INPP4B: variants seen among roughly 807,000 people sequenced by gnomAD.
INPP4B encodes the protein inositol polyphosphate-4-phosphatase type II B, also known as inositol polyphosphate 4-phosphatase type II.
In INPP4B, 55 loss-of-function variants were observed where a neutral mutation model predicts 122.5. That is an observed-to-expected ratio of 0.45 (90% CI 0.36 to 0.56). The LOEUF is 0.56. Ranked by LOEUF, INPP4B falls within the 20% of genes least tolerant of loss-of-function variation. The probability of loss-of-function intolerance (pLI) is 0.00; values close to 1 mark genes in which losing one functional copy is unlikely to be tolerated. For missense variants in INPP4B, 1,000 were observed against 1,097.7 expected (o/e 0.91, Z 1.26); for synonymous variants, 403 against 388.7 (o/e 1.04, Z -0.43).
chr4:142,479,676 GA>G (rs1312996709), intron 2 of INPP4B, among the ~76,000 whole-genome samples: 1 of 152,124 alleles, frequency 6.6e-6, no homozygotes, highest in East Asian at 1.9e-4. Flanking sequence ...GAACGGAGCT[GA>G]AAGTCATAAT....
intron 1 of INPP4B, among the ~76,000 whole-genome samples, chr4:142,799,306 A>T (rs968516149): frequency 6.6e-6 from 1 of 151,864 alleles, no homozygotes; most frequent in African/African-American, 2.4e-5. Context: ...GCATTTTTCA[A>T]CAATTTTAAA....
chr4:142,215,892 CAAAAA>C (rs200657873), intron 12 of INPP4B, among the ~76,000 whole-genome samples: 26 of 54,552 alleles, frequency 4.8e-4, no homozygotes, highest in East Asian at 9.7e-4. Flanking sequence ...GACTCTGTCT[CAAAAA>C]AAAAAAAAAA....
chr4:142,724,394 A>G (rs1379522723), intron 2 of INPP4B, among the ~76,000 whole-genome samples: 1 of 152,050 alleles, frequency 6.6e-6, no homozygotes, highest in Admixed American at 6.6e-5. Flanking sequence ...CTCATTCAGG[A>G]TATTTCTCTT....
intron 1 of INPP4B, among the ~76,000 whole-genome samples, chr4:142,816,218 A>C (rs1275342693): frequency 1.3e-5 from 2 of 152,108 alleles, no homozygotes; most frequent in Non-Finnish European, 2.9e-5. Context: ...TCTATTCTTC[A>C]TTTTTAGGGT....
chr4:142,414,504 G>A (rs1805278348), intron 5 of INPP4B, among the ~76,000 whole-genome samples: 1 of 152,090 alleles, frequency 6.6e-6, no homozygotes, highest in Non-Finnish European at 1.5e-5. Context: ...GAAAAATGAA[G>A]ATACCAGCTG....
chr4:142,525,682 C>A (rs1185222214), intron 2 of INPP4B, among the ~76,000 whole-genome samples: 3 of 119,996 alleles, frequency 2.5e-5, no homozygotes, highest in African/African-American at 6.1e-5. Flanking sequence ...AACTGGCTAG[C>A]CATATGTAGA....
Position 142,237,866 on chromosome 4 carries a change from G to A in INPP4B, c.834C>T (p.Cys278=), listed in dbSNP as rs2149970132. The A allele has an allele frequency of 4.5e-6, 7 of 1,545,550 alleles. No individual in the cohort carries two copies. Among genetic ancestry groups the A allele is most frequent in the South Asian group, 1.2e-5 (1 of 82,718 alleles). The change falls in exon 12 of 26, where the codon TGC becomes TGT. Residue 278 remains cysteine, a splice_region_variant and synonymous_variant. Transcript: ENST00000262992. ...AGAAAATAGTTATTTTCTCTTACCT[G>A]CACAAATCTTCTTTAATGTGAAGGG... ...LISLHIKEDL[C]RNQEIKELGE... is the part of the protein sequence containing the mutation.
chr4:142,107,224 T>C (rs569976843), intron 23 of INPP4B, among the ~76,000 whole-genome samples: 189 of 152,224 alleles, frequency 1.2e-3, no homozygotes, highest in Non-Finnish European at 6.2e-4. Flanking sequence ...ATTCATTAGG[T>C]TATGAAGACA....
At chr4:142,248,947 A>G (rs56392311) in intron 11 of INPP4B, among the ~76,000 whole-genome samples, 3,426 of 152,064 alleles carry the variant, frequency 0.023, 140 homozygotes, top group African/African-American at 0.077. Context: ...AATGATATAG[A>G]CTGCAAATAA....
intron 7 of INPP4B, among the ~76,000 whole-genome samples, chr4:142,371,430 A>G (rs1789871387): frequency 6.6e-6 from 1 of 152,144 alleles, no homozygotes; most frequent in South Asian, 2.1e-4. Context: ...AAAGGGGACT[A>G]TATTAACCTA....
chr4:142,770,570 C>A (rs1772889578), intron 1 of INPP4B, among the ~76,000 whole-genome samples: 1 of 152,006 alleles, frequency 6.6e-6, no homozygotes, highest in Admixed American at 6.6e-5. Flanking sequence ...AGGCAAGTAC[C>A]TTAGGTCAGA....
intron 2 of INPP4B, among the ~76,000 whole-genome samples, chr4:142,554,735 G>A (rs1345163248): frequency 6.6e-6 from 1 of 152,164 alleles, no homozygotes. Flanking sequence ...TCATTTTAAT[G>A]TAATGGGAGA....
At chr4:142,541,784 C>G (rs1361944421) in intron 2 of INPP4B, among the ~76,000 whole-genome samples, 3 of 152,094 alleles carry the variant, frequency 2.0e-5, no homozygotes, top group Non-Finnish European at 4.4e-5. Flanking sequence ...TCCCCAGCAC[C>G]CAGTTCCTGG....
At chr4:142,264,993 T>C (rs1742071584) in intron 10 of INPP4B, among the ~76,000 whole-genome samples, 2 of 148,618 alleles carry the variant, frequency 1.3e-5, no homozygotes, top group South Asian at 4.2e-4. Context: ...TCTCTCCCTC[T>C]CTCTCCCTCC....
chr4:142,122,216 C>T lies in INPP4B; in HGVS notation c.2047G>A (p.Ala683Thr), dbSNP rs1796837393. Reference sequence around the variant, plus strand: ...TTCTTTAAATCGGAAATGCCAACGGCCATGTCCTCTAGCATTCCAATTTCA... The same window carrying T: ...TTCTTTAAATCGGAAATGCCAACGGTCATGTCCTCTAGCATTCCAATTTCA... Reference protein sequence around the residue: ...SDEIGMLEDMAVGISDLKKVA... With the variant: ...SDEIGMLEDMTVGISDLKKVA... The change falls in exon 21 of 26, where the codon GCC becomes ACC. Residue 683 changes from alanine (A) to threonine (T), a missense_variant. Transcript: ENST00000262992. 2 of 1,611,420 alleles carry T rather than the reference C, an allele frequency of 1.2e-6. No homozygotes were observed. The highest frequency in any genetic ancestry group is 8.5e-7 in the Non-Finnish European group (1 of 1,178,820).
At chr4:142,569,393 C>T (rs1732334361) in intron 2 of INPP4B, among the ~76,000 whole-genome samples, 1 of 151,806 alleles carries the variant, frequency 6.6e-6, no homozygotes, top group African/African-American at 2.4e-5. Context: ...TATTAACAGC[C>T]AACCATGTAG....
chr4:142,785,687 TATAAC>T (rs1775669721), intron 1 of INPP4B, among the ~76,000 whole-genome samples: 1 of 151,574 alleles, frequency 6.6e-6, no homozygotes, highest in Admixed American at 6.6e-5. Flanking sequence ...GTTCAAAAAA[TATAAC>T]ATATATACAA....
intron 2 of INPP4B, among the ~76,000 whole-genome samples, chr4:142,624,468 GC>G (rs1211828704): frequency 1.3e-5 from 2 of 151,822 alleles, no homozygotes; most frequent in African/African-American, 4.8e-5. Context: ...CTGGATATTA[GC>G]CCTTTGTCAG....
intron 25 of INPP4B, among the ~76,000 whole-genome samples, chr4:142,072,841 T>G (rs764764935): frequency 2.6e-5 from 4 of 152,128 alleles, no homozygotes; most frequent in Non-Finnish European, 4.4e-5. Context: ...CTTTACCAAC[T>G]GCTTACTATG....
Sources: gnomAD v4.1 joint callset for allele counts (sites outside exome capture counted in the v4.1 genomes callset) on GRCh38, gnomAD v4.1.1 for gene constraint, MANE v1.5 for transcripts, NCBI Gene and HGNC (gene_info 2026-07-23, HGNC 2026-07-21) for gene names.